Variants in PTP4A2 observed in about 807,000 individuals in gnomAD.
The protein encoded by PTP4A2 is protein tyrosine phosphatase type IVA 2.
A neutral mutation model predicts 22.9 loss-of-function variants in PTP4A2; 2 were observed. That is an observed-to-expected ratio of 0.09 (90% CI 0.04 to 0.27). The LOEUF is 0.27. PTP4A2 is among the 10% of genes least tolerant of loss of function. PTP4A2 has a pLI of 1.00. For missense variants in PTP4A2, 103 were observed against 205.1 expected (o/e 0.50, Z 3.04); for synonymous variants, 68 against 69.1 (o/e 0.98, Z 0.08).
At chr1:31,931,037 C>T (rs1652704457) in intron 1 of PTP4A2, 1 of 152,152 alleles carries the variant, frequency 6.6e-6, no homozygotes, top group African/African-American at 2.4e-5. Context: ...AGATAAGGGA[C>T]AATATGTCAC....
intron 2 of PTP4A2, among the ~76,000 whole-genome samples, chr1:31,917,847 G>A (rs12119003): frequency 4.0e-5 from 6 of 151,214 alleles, no homozygotes; most frequent in South Asian, 2.1e-4. Context: ...GGTGGCGCGC[G>A]CCTGTAGTCC....
chr1:31,914,482 T>C (rs1651721538), intron 3 of PTP4A2: 3 of 298,876 alleles, frequency 1.0e-5, no homozygotes. Context: ...GTCATTATTC[T>C]TTTTGCATCA....
At chr1:31,930,438 A>T (rs1056603468) in intron 1 of PTP4A2, among the ~76,000 whole-genome samples, 6 of 152,226 alleles carry the variant, frequency 3.9e-5, no homozygotes, top group African/African-American at 1.4e-4. Flanking sequence ...GAGCGTATTT[A>T]AAGGTCCTGT....
intron 1 of PTP4A2, chr1:31,932,693 A>G (rs1235455771): frequency 1.3e-5 from 2 of 152,240 alleles, no homozygotes; most frequent in Non-Finnish European, 1.5e-5. Flanking sequence ...TAACTCCACA[A>G]TGGGGAACTG....
At position 31,906,604 on chromosome 1, in the gene PTP4A2, T is replaced by G. The variant is rs1651172436; in HGVS notation, c.*2248A>C. On this transcript the variant is annotated 3_prime_UTR_variant, in exon 6 of 6. Transcript: ENST00000647444. ...AAAAAAAATCCAGTTTTAAGAACAA[T>G]TAACATTAGTCTTTAAAATAAAAGG... is the stretch of plus-strand genomic sequence containing the variant. 1 of 152,160 alleles carries G rather than the reference T, an allele frequency of 6.6e-6. No individual in the cohort carries two copies. The highest frequency in any genetic ancestry group is 1.5e-5 in the Non-Finnish European group (1 of 68,036). The allele number at this position is 152,160 out of a possible 1,614,324, so 9.4% of individuals were successfully genotyped here. A position where few individuals can be genotyped will look rare whatever the true frequency, so the allele number is the denominator to read the frequency against.
chr1:31,936,237 G>A (rs963372697), intron 1 of PTP4A2, among the ~76,000 whole-genome samples: 7 of 151,586 alleles, frequency 4.6e-5, no homozygotes, highest in Admixed American at 6.6e-5. Flanking sequence ...TCAGGAGTTC[G>A]AGACCAGCCT....
At chr1:31,909,387 C>T (rs1651410623) in intron 5 of PTP4A2, among the ~76,000 whole-genome samples, 1 of 152,012 alleles carries the variant, frequency 6.6e-6, no homozygotes, top group South Asian at 2.1e-4. Flanking sequence ...TTAAGAGTCC[C>T]AGGTGAGGCC....
intron 2 of PTP4A2, among the ~76,000 whole-genome samples, chr1:31,918,248 C>CAA (rs111227977): frequency 2.0e-4 from 21 of 105,120 alleles, no homozygotes; most frequent in Non-Finnish European, 1.2e-4. Flanking sequence ...CTCCATCTCC[C>CAA]AAAAAAAAAA....
chr1:31,918,564 C>T (rs1651977340), intron 2 of PTP4A2, among the ~76,000 whole-genome samples: 1 of 152,216 alleles, frequency 6.6e-6, no homozygotes, highest in Non-Finnish European at 1.5e-5. Flanking sequence ...GAACCTGTTT[C>T]CTCATTGGTA....
intron 1 of PTP4A2, among the ~76,000 whole-genome samples, chr1:31,928,549 A>T (rs1424652839): frequency 6.6e-6 from 1 of 151,822 alleles, no homozygotes; most frequent in Non-Finnish European, 1.5e-5. Flanking sequence ...AAAATACAAA[A>T]ACTAGCCAGG....
chr1:31,934,321 T>C (rs1434976605), intron 1 of PTP4A2, among the ~76,000 whole-genome samples: 1 of 152,078 alleles, frequency 6.6e-6, no homozygotes, highest in Non-Finnish European at 1.5e-5. Flanking sequence ...ATTTTAAAGA[T>C]CCCATCTTCT....
chr1:31,929,043 G>C (rs1235743521), intron 1 of PTP4A2, among the ~76,000 whole-genome samples: 1 of 152,070 alleles, frequency 6.6e-6, no homozygotes, highest in Admixed American at 6.5e-5. Flanking sequence ...GGTGATTAAC[G>C]GTTGTCCTTT....
chr1:31,913,141 C>T (rs1651632453), intron 3 of PTP4A2: 1 of 379,042 alleles, frequency 2.6e-6, no homozygotes. Context: ...GCTAAAACCA[C>T]CATTAGTCTA....
chr1:31,931,478 G>A (rs1316119742), intron 1 of PTP4A2, among the ~76,000 whole-genome samples: 2 of 152,156 alleles, frequency 1.3e-5, no homozygotes. Flanking sequence ...GAGAAAAAGA[G>A]CAAATATTGC....
intron 3 of PTP4A2, among the ~76,000 whole-genome samples, chr1:31,913,554 C>A (rs1376034691): frequency 6.6e-6 from 1 of 152,102 alleles, no homozygotes; most frequent in Non-Finnish European, 1.5e-5. Flanking sequence ...GTTCCCTTTT[C>A]ACCACATCCC....
At chr1:31,932,412 C>T (rs1652762090) in intron 1 of PTP4A2, among the ~76,000 whole-genome samples, 2 of 152,184 alleles carry the variant, frequency 1.3e-5, no homozygotes, top group Non-Finnish European at 2.9e-5. Flanking sequence ...ATTTAAAAAG[C>T]CAACATTGTG....
intron 1 of PTP4A2, among the ~76,000 whole-genome samples, chr1:31,930,734 T>C (rs1652691190): frequency 6.6e-6 from 1 of 152,204 alleles, no homozygotes; most frequent in Admixed American, 6.5e-5. Context: ...TCATTCTATT[T>C]GAAGCTGCTG....
At chr1:31,917,530 T>C (rs1651910936) in intron 2 of PTP4A2, among the ~76,000 whole-genome samples, 1 of 152,192 alleles carries the variant, frequency 6.6e-6, no homozygotes, top group South Asian at 2.1e-4. Flanking sequence ...TTTTATGGTA[T>C]TTGTGACCTT....
chr1:31,929,168 A>G (rs1320507881), intron 1 of PTP4A2, among the ~76,000 whole-genome samples: 1 of 152,222 alleles, frequency 6.6e-6, no homozygotes, highest in African/African-American at 2.4e-5. Context: ...TCCTCTAAAG[A>G]TTTCCAATTC....
Sources: gnomAD v4.1 joint callset for allele counts (sites outside exome capture counted in the v4.1 genomes callset) on GRCh38, gnomAD v4.1.1 for gene constraint, MANE v1.5 for transcripts, NCBI Gene and HGNC (gene_info 2026-07-23, HGNC 2026-07-21) for gene names.